The following ATF6 variants were observed in gnomAD, a reference collection of about 807,000 sequenced individuals.
ATF6 encodes the protein activating transcription factor 6, also known as cyclic AMP-dependent transcription factor ATF-6 alpha.
Under a neutral mutation model 83.6 loss-of-function variants are expected in ATF6, and 53 were observed. That is an observed-to-expected ratio of 0.63 (90% CI 0.51 to 0.80). ATF6 has a LOEUF of 0.80. Among genes scored for constraint, ATF6 ranks in the 30% least tolerant of loss-of-function variants. ATF6 has a pLI of 0.00. For missense variants in ATF6, 744 were observed against 797.9 expected (o/e 0.93, Z 0.81); for synonymous variants, 288 against 285.8 (o/e 1.01, Z -0.08).
chr1:161,807,985 T>A (rs1423198584), intron 7 of ATF6, among the ~76,000 whole-genome samples: 1 of 146,950 alleles, frequency 6.8e-6, no homozygotes, highest in Non-Finnish European at 1.5e-5. Flanking sequence ...GTTCAAGCGA[T>A]TCTCCTGCCT....
At chr1:161,847,734 G>T (rs1305139921) in intron 10 of ATF6, among the ~76,000 whole-genome samples, 1 of 152,038 alleles carries the variant, frequency 6.6e-6, no homozygotes, top group Non-Finnish European at 1.5e-5. Flanking sequence ...TTCTGTTAGT[G>T]TCCACATAAG....
chr1:161,916,367 C>G (rs1352995176), intron 15 of ATF6, among the ~76,000 whole-genome samples: 1 of 152,142 alleles, frequency 6.6e-6, no homozygotes, highest in African/African-American at 2.4e-5. Context: ...TAACATTTTT[C>G]TATATTTGTT....
intron 6 of ATF6, among the ~76,000 whole-genome samples, chr1:161,794,950 G>A (rs1044127183): frequency 1.3e-5 from 2 of 152,042 alleles, no homozygotes; most frequent in African/African-American, 4.8e-5. Flanking sequence ...AGAGGAAGGT[G>A]TCTAGGATGA....
chr1:161,802,709 G>A (rs934031496), intron 7 of ATF6, among the ~76,000 whole-genome samples: 4 of 152,092 alleles, frequency 2.6e-5, no homozygotes, highest in Non-Finnish European at 4.4e-5. Flanking sequence ...CTTCCTTGCC[G>A]TTTTGAAGTA....
chr1:161,812,752 C>T (rs1314581914), intron 7 of ATF6, among the ~76,000 whole-genome samples: 1 of 149,920 alleles, frequency 6.7e-6, no homozygotes, highest in Non-Finnish European at 1.5e-5. Context: ...CTGTGAGGTA[C>T]ATTGTTGATG....
chr1:161,933,431 A>T (rs748508410), intron 15 of ATF6, among the ~76,000 whole-genome samples: 4 of 152,244 alleles, frequency 2.6e-5, no homozygotes, highest in Non-Finnish European at 5.9e-5. Flanking sequence ...TGTAAGACAC[A>T]ATTAGAATAG....
In ATF6 at chr1:161,960,191, C is replaced by T. The variant is rs1443657581; in HGVS notation, c.*1537C>T. Reference sequence around the variant, plus strand: ...TTGATGAATTCATAGAACTGGATCTCATACAGCGATGTCCTCTCTAATGTT... The same window carrying T: ...TTGATGAATTCATAGAACTGGATCTTATACAGCGATGTCCTCTCTAATGTT... On this transcript the variant is annotated 3_prime_UTR_variant, in exon 16 of 16. Coordinates refer to ENST00000367942, the MANE Select transcript of ATF6 (RefSeq NM_007348.4). The T allele has an allele frequency of 6.6e-6, 1 of 151,936 alleles. No individual in the cohort carries two copies. Among genetic ancestry groups the T allele is most frequent in the Non-Finnish European group, 1.5e-5 (1 of 68,018 alleles). The allele number at this position is 151,936 out of a possible 1,614,324, so 9.4% of individuals were successfully genotyped here.
chr1:161,945,231 C>A (rs1487453762), intron 15 of ATF6, among the ~76,000 whole-genome samples: 1 of 152,184 alleles, frequency 6.6e-6, no homozygotes, highest in African/African-American at 2.4e-5. Context: ...ACGTTAATTA[C>A]AGAAGTTGGA....
chr1:161,874,962 C>G (rs563538727), intron 14 of ATF6, among the ~76,000 whole-genome samples: 2 of 151,784 alleles, frequency 1.3e-5, no homozygotes, highest in East Asian at 3.9e-4. Context: ...CAAAACCAAA[C>G]TGAGCGATAA....
intron 4 of ATF6, among the ~76,000 whole-genome samples, chr1:161,785,188 C>T (rs1256282904): frequency 6.6e-6 from 1 of 152,196 alleles, no homozygotes; most frequent in African/African-American, 2.4e-5. Context: ...TGGCAGTGAA[C>T]AACAGCAGTG....
chr1:161,787,097 T>C (rs534682797), intron 4 of ATF6, among the ~76,000 whole-genome samples: 1 of 152,242 alleles, frequency 6.6e-6, no homozygotes, highest in Non-Finnish European at 1.5e-5. Context: ...GTGTCCAACT[T>C]TTGATGACCC....
intron 2 of ATF6, 63 bp from the exon 3 acceptor site, chr1:161,781,849 T>A (rs1684639573): frequency 8.9e-7 from 1 of 1,119,148 alleles, no homozygotes; most frequent in East Asian, 2.5e-5. Context: ...TGTCTCACAG[T>A]TTGATTTTAA....
intron 15 of ATF6, among the ~76,000 whole-genome samples, chr1:161,926,807 C>T (rs146354257): frequency 6.6e-6 from 1 of 152,048 alleles, no homozygotes; most frequent in Non-Finnish European, 1.5e-5. Flanking sequence ...GCAGAACACT[C>T]CACCTAGAAA....
At chr1:161,945,339 C>G (rs1688727754) in intron 15 of ATF6, among the ~76,000 whole-genome samples, 1 of 152,216 alleles carries the variant, frequency 6.6e-6, no homozygotes, top group Admixed American at 6.5e-5. Flanking sequence ...CCATTTGCTC[C>G]AGTAGGAATT....
At chr1:161,844,969 C>G (rs1471380617) in intron 9 of ATF6, among the ~76,000 whole-genome samples, 1 of 152,132 alleles carries the variant, frequency 6.6e-6, no homozygotes, top group Non-Finnish European at 1.5e-5. Flanking sequence ...ACAGCTATGA[C>G]AAAATATAGC....
rs190067389 is a variant in ATF6, at chr1:161,792,049, T to C, written c.485-75T>C. On this transcript the variant is annotated intron_variant, in intron 5 of 15. Coordinates refer to ENST00000367942, the MANE Select transcript of ATF6 (RefSeq NM_007348.4). ...TTAAGATAATGTGTAGAGAAAGGTG[T>C]GTGATAGAATCTGTTTTTTAGGGCT... is the stretch of plus-strand genomic sequence containing the variant. 78 of 1,194,070 alleles carry C rather than the reference T, an allele frequency of 6.5e-5. 2 individuals are homozygous for C. In the East Asian group the frequency reaches 1.6e-3, roughly 24 times the overall value. The allele number at this position is 1,194,070 out of a possible 1,614,324, so 74.0% of individuals were successfully genotyped here. A position where few individuals can be genotyped will look rare whatever the true frequency, so the allele number is the denominator to read the frequency against.
intron 11 of ATF6, 76 bp from the exon 12 acceptor site, chr1:161,853,148 T>G: frequency 9.5e-7 from 1 of 1,057,496 alleles, no homozygotes; most frequent in South Asian, 1.5e-5. Flanking sequence ...TAGATTCATT[T>G]CCACCCACAG....
At chr1:161,851,329 A>G (rs1686622938) in intron 10 of ATF6, among the ~76,000 whole-genome samples, 1 of 151,940 alleles carries the variant, frequency 6.6e-6, no homozygotes. Context: ...ATTGTGAATG[A>G]CCCCTAAACT....
chr1:161,873,737 AGAGTAG>A (rs1173269805), intron 14 of ATF6, among the ~76,000 whole-genome samples: 1 of 151,608 alleles, frequency 6.6e-6, no homozygotes, highest in African/African-American at 2.4e-5. Context: ...TGATTGGCTG[AGAGTAG>A]GAGTGTAGTT....
Sources: allele counts gnomAD v4.1 joint callset (sites outside exome capture counted in the v4.1 genomes callset), GRCh38; gene constraint gnomAD v4.1.1; transcripts MANE v1.5; gene names NCBI Gene and HGNC (gene_info 2026-07-23, HGNC 2026-07-21).